Variants in ABTB3 observed in about 807,000 individuals in gnomAD.
ABTB3 encodes ankyrin repeat and BTB domain containing 3.
the ABTB3 span, among the ~76,000 whole-genome samples, chr12:107,655,889 T>C: frequency 6.6e-6 from 1 of 152,120 alleles, no homozygotes; most frequent in South Asian, 2.1e-4. Context: ...AGTTCAACAG[T>C]GCATCATGAT....
At chr12:107,458,685 G>A in the ABTB3 span, among the ~76,000 whole-genome samples, 1 of 152,112 alleles carries the variant, frequency 6.6e-6, no homozygotes, top group Non-Finnish European at 1.5e-5. Context: ...TAGAAGCCTG[G>A]GGAGTACCTG....
At chr12:107,645,753 C>G in the ABTB3 span, among the ~76,000 whole-genome samples, 2 of 152,296 alleles carry the variant, frequency 1.3e-5, no homozygotes, top group South Asian at 2.1e-4. Flanking sequence ...CCTCACTGAA[C>G]GAGACCTCCA....
At chr12:107,444,657 C>T in the ABTB3 span, among the ~76,000 whole-genome samples, 1 of 152,122 alleles carries the variant, frequency 6.6e-6, no homozygotes, top group Non-Finnish European at 1.5e-5. Flanking sequence ...CAGGTCTGCT[C>T]GAGATGAAAT....
chr12:107,375,301 C>T, the ABTB3 span, among the ~76,000 whole-genome samples: 1 of 152,174 alleles, frequency 6.6e-6, no homozygotes, highest in East Asian at 1.9e-4. Context: ...GCCTGTGATC[C>T]TGGCTACCCA....
the ABTB3 span, among the ~76,000 whole-genome samples, chr12:107,621,334 A>G: frequency 1.3e-5 from 2 of 152,156 alleles, no homozygotes; most frequent in Non-Finnish European, 2.9e-5. Flanking sequence ...ACCTGCTGGA[A>G]GCATTTCAAA....
At chr12:107,427,827 A>G in the ABTB3 span, among the ~76,000 whole-genome samples, 1 of 152,178 alleles carries the variant, frequency 6.6e-6, no homozygotes, top group African/African-American at 2.4e-5. Context: ...TGGATTGAGC[A>G]TTTGCCACAT....
At chr12:107,650,939 A>G in the ABTB3 span, 1 of 152,246 alleles carries the variant, frequency 6.6e-6, no homozygotes, top group African/African-American at 2.4e-5. Flanking sequence ...AGGAATGTAC[A>G]TTTAAATCAT....
the ABTB3 span, among the ~76,000 whole-genome samples, chr12:107,564,069 T>A: frequency 1.3e-5 from 2 of 149,946 alleles, no homozygotes; most frequent in African/African-American, 4.9e-5. Context: ...AATGAGTCTC[T>A]CTCTCTCTCT....
chr12:107,526,124 T>G, the ABTB3 span, among the ~76,000 whole-genome samples: 2 of 152,134 alleles, frequency 1.3e-5, no homozygotes, highest in Admixed American at 6.5e-5. Context: ...AAACAAAAAC[T>G]GAAGAAAATG....
the ABTB3 span, among the ~76,000 whole-genome samples, chr12:107,594,903 G>A: frequency 6.6e-6 from 1 of 151,978 alleles, no homozygotes; most frequent in African/African-American, 2.4e-5. Context: ...TACGACATTT[G>A]GGGCTGGATA....
chr12:107,503,566 T>C, the ABTB3 span, among the ~76,000 whole-genome samples: 6 of 151,820 alleles, frequency 4.0e-5, no homozygotes, highest in African/African-American at 1.2e-4. Flanking sequence ...GAGAACAGCC[T>C]GGACAACATG....
the ABTB3 span, among the ~76,000 whole-genome samples, chr12:107,389,693 C>T: frequency 6.6e-6 from 1 of 151,898 alleles, no homozygotes; most frequent in Non-Finnish European, 1.5e-5. Flanking sequence ...CTGGATGGTT[C>T]TTCTGCTCCA....
the ABTB3 span, among the ~76,000 whole-genome samples, chr12:107,324,475 A>G: frequency 6.6e-6 from 1 of 152,218 alleles, no homozygotes; most frequent in Non-Finnish European, 1.5e-5. Context: ...CAAAAAATAA[A>G]TAAATAAAAT....
the ABTB3 span, among the ~76,000 whole-genome samples, chr12:107,344,617 C>T: frequency 3.3e-5 from 5 of 152,180 alleles, no homozygotes; most frequent in Non-Finnish European, 7.3e-5. Context: ...TACAATTGAC[C>T]TCGTGGAGGG....
the ABTB3 span, among the ~76,000 whole-genome samples, chr12:107,586,391 C>T: frequency 6.6e-6 from 1 of 152,122 alleles, no homozygotes; most frequent in Non-Finnish European, 1.5e-5. Context: ...TGGAAAGCTC[C>T]CCAGCCTCTC....
the ABTB3 span, among the ~76,000 whole-genome samples, chr12:107,483,856 T>G: frequency 6.6e-6 from 1 of 152,132 alleles, no homozygotes; most frequent in East Asian, 1.9e-4. Context: ...TTGGCTAATT[T>G]TTTTAAAAAA....
chr12:107,589,389 G>C, the ABTB3 span, among the ~76,000 whole-genome samples: 8 of 152,196 alleles, frequency 5.3e-5, no homozygotes, highest in African/African-American at 1.9e-4. Context: ...AATCAGCTGG[G>C]GCTGTCTGGC....
the ABTB3 span, among the ~76,000 whole-genome samples, chr12:107,569,138 G>A: frequency 6.6e-6 from 1 of 152,142 alleles, no homozygotes; most frequent in Admixed American, 6.5e-5. Context: ...ACCACCCAAT[G>A]ACAAGGACAT....
At chr12:107,448,645 C>CTTTT in the ABTB3 span, among the ~76,000 whole-genome samples, 3 of 134,036 alleles carry the variant, frequency 2.2e-5, no homozygotes, top group Non-Finnish European at 4.5e-5. Context: ...TTCTTTCTTT[C>CTTTT]TTTTTTTTTT....
Sources: gnomAD v4.1 joint callset for allele counts (sites outside exome capture counted in the v4.1 genomes callset) on GRCh38, gnomAD v4.1.1 for gene constraint, MANE v1.5 for transcripts, NCBI Gene and HGNC (gene_info 2026-07-23, HGNC 2026-07-21) for gene names.